ARHGAP22: variants seen among roughly 807,000 people sequenced by gnomAD.
ARHGAP22 encodes the protein Rho GTPase activating protein 22.
In ARHGAP22, 48 loss-of-function variants were observed where a neutral mutation model predicts 59.1. The ratio of observed to expected loss-of-function variants is 0.81; its 90% CI spans 0.64 to 1.03. ARHGAP22 has a LOEUF of 1.03. ARHGAP22 is among the 50% of genes least tolerant of loss of function. The probability of loss-of-function intolerance (pLI) is 0.00; values close to 1 mark genes in which losing one functional copy is unlikely to be tolerated. For missense variants in ARHGAP22, 1,015 were observed against 958.7 expected, an observed-to-expected ratio of 1.06 and a Z score of -0.78; for synonymous variants, 445 against 416.4, an observed-to-expected ratio of 1.07 and a Z score of -0.84.
intron 2 of ARHGAP22, among the ~76,000 whole-genome samples, chr10:48,558,050 G>T (rs142859669): frequency 6.6e-6 from 1 of 152,112 alleles, no homozygotes; most frequent in South Asian, 2.1e-4. Context: ...TTTAACAATG[G>T]GGTCTCTGAA....
intron 3 of ARHGAP22, chr10:48,546,597 G>T: frequency 6.2e-6 from 1 of 162,142 alleles, no homozygotes; most frequent in South Asian, 1.6e-4. Context: ...TAGCTAACAT[G>T]GCATTACCAT....
chr10:48,489,437 A>T, intron 3 of ARHGAP22, among the ~76,000 whole-genome samples: 1 of 152,220 alleles, frequency 6.6e-6, no homozygotes. Context: ...ATGGCAATAA[A>T]GGGGAGTGCA....
At chr10:48,450,212 C>T in intron 9 of ARHGAP22, 49 bp downstream of exon 9, 1 of 1,585,386 alleles carries the variant, frequency 6.3e-7, no homozygotes, top group Non-Finnish European at 8.6e-7. Context: ...CACGGCTCTC[C>T]CTGCAGGCTC....
intron 2 of ARHGAP22, among the ~76,000 whole-genome samples, chr10:48,567,203 C>T (rs139103926): frequency 7.9e-4 from 120 of 152,368 alleles, no homozygotes; most frequent in African/African-American, 2.6e-3. Context: ...CCTCATCTCA[C>T]TGTATTCCTG....
chr10:48,654,818 CTTT>C (rs765162164), upstream of ARHGAP22, among the ~76,000 whole-genome samples: 2,630 of 93,328 alleles, frequency 0.028, 32 homozygotes, highest in Middle Eastern at 0.042. Context: ...TTCTTTCTTT[CTTT>C]CTTTCTTCCT....
intron 1 of ARHGAP22, among the ~76,000 whole-genome samples, chr10:48,618,414 A>C (rs1423655521): frequency 1.3e-5 from 2 of 152,098 alleles, no homozygotes; most frequent in African/African-American, 4.8e-5. Flanking sequence ...ACAGGTCACT[A>C]TCTCTGATGA....
In ARHGAP22 at chr10:48,476,059, T is replaced by A. The variant is rs572578457; in HGVS notation, c.451+3577A>T. Among the ~76,000 whole-genome samples the A allele has an allele frequency of 3.9e-5, 6 of 152,312 alleles. No homozygotes were observed. In the East Asian group the frequency reaches 7.7e-4, roughly 20 times the overall value. ...CCCTCCCTGCCTCTTCTGTCCCCAC[T>A]GTGCCCACCATCTAACCTGCCATGT... On this transcript the variant is annotated intron_variant, in intron 4 of 9. Transcript: ENST00000249601.
At chr10:48,563,764 A>G (rs1236457778) in intron 2 of ARHGAP22, among the ~76,000 whole-genome samples, 2 of 152,240 alleles carry the variant, frequency 1.3e-5, no homozygotes, top group Non-Finnish European at 2.9e-5. Flanking sequence ...TAAATCTGAT[A>G]TGCTATAAGT....
upstream of ARHGAP22, chr10:48,655,826 C>A (rs78481997): frequency 4.7e-3 from 718 of 152,820 alleles, 3 homozygotes; most frequent in Non-Finnish European, 8.3e-3. Context: ...ATTAGCCTGG[C>A]ACCTGGCAGC....
intron 4 of ARHGAP22, among the ~76,000 whole-genome samples, chr10:48,469,955 G>A (rs2048075271): frequency 6.6e-6 from 1 of 152,192 alleles, no homozygotes; most frequent in Non-Finnish European, 1.5e-5. Context: ...TTGTGGTCTG[G>A]ACAAAATGCT....
chr10:48,623,626 A>G (rs1347375184), intron 1 of ARHGAP22, among the ~76,000 whole-genome samples: 2 of 152,156 alleles, frequency 1.3e-5, no homozygotes, highest in African/African-American at 4.8e-5. Context: ...GTCAGGCAAC[A>G]CCTCTATCCC....
downstream of ARHGAP22, among the ~76,000 whole-genome samples, chr10:48,443,313 C>CTATT (rs1298253041): frequency 6.6e-6 from 1 of 152,138 alleles, no homozygotes; most frequent in African/African-American, 2.4e-5. Flanking sequence ...AAATGCTTTC[C>CTATT]TATTTCCCTT....
intron 3 of ARHGAP22, among the ~76,000 whole-genome samples, chr10:48,506,183 T>C (rs1400681774): frequency 3.3e-5 from 5 of 152,168 alleles, no homozygotes; most frequent in African/African-American, 1.2e-4. Flanking sequence ...AAAAACAACA[T>C]ATAGTCAGGC....
At chr10:48,561,792 T>C (rs1590194675) in intron 2 of ARHGAP22, among the ~76,000 whole-genome samples, 2 of 152,228 alleles carry the variant, frequency 1.3e-5, no homozygotes, top group East Asian at 3.8e-4. Flanking sequence ...TGGATACCAC[T>C]ACATATCTAT....
chr10:48,567,674 G>A (rs1334193255), intron 2 of ARHGAP22, among the ~76,000 whole-genome samples: 6 of 152,092 alleles, frequency 3.9e-5, no homozygotes, highest in Admixed American at 3.9e-4. Flanking sequence ...GTGGGATTGG[G>A]CAGGAGTGAC....
intron 5 of ARHGAP22, 118 bp from the exon 6 acceptor site, chr10:48,455,252 C>A (rs2046377779): frequency 8.1e-7 from 1 of 1,234,400 alleles, no homozygotes; most frequent in Non-Finnish European, 1.1e-6. Context: ...CTTGGGCGCA[C>A]TGGGGGCTGC....
At chr10:48,605,338 C>CG (rs1564987691), upstream of ARHGAP22, among the ~76,000 whole-genome samples, 1 of 138,876 alleles carries the variant, frequency 7.2e-6, no homozygotes, top group Non-Finnish European at 1.6e-5. Flanking sequence ...AGACCCCCCC[C>CG]CCACCCCAGA....
intron 1 of ARHGAP22, among the ~76,000 whole-genome samples, chr10:48,593,639 AAG>A (rs537219837): frequency 6.8e-4 from 103 of 152,328 alleles, no homozygotes; most frequent in African/African-American, 2.5e-3. Context: ...ATGCTGGACA[AAG>A]AGAGGATTCA....
intron 1 of ARHGAP22, among the ~76,000 whole-genome samples, chr10:48,629,867 T>A (rs1296063743): frequency 6.6e-6 from 1 of 152,232 alleles, no homozygotes; most frequent in Non-Finnish European, 1.5e-5. Context: ...AATCTCTGAT[T>A]TTTTTCCATC....
Sources: gnomAD v4.1 joint callset for allele counts (sites outside exome capture counted in the v4.1 genomes callset) on GRCh38, gnomAD v4.1.1 for gene constraint, MANE v1.5 for transcripts, NCBI Gene and HGNC (gene_info 2026-07-23, HGNC 2026-07-21) for gene names.